The following CPLX2 variants were observed in gnomAD, a reference collection of about 807,000 sequenced individuals.
CPLX2 encodes complexin-2.
CPLX2 carries 5 observed loss-of-function variants against 16.3 expected under a neutral mutation model. The observed-to-expected ratio is 0.31, with a 90% CI of 0.16 to 0.64. The LOEUF is 0.64. Among genes scored for constraint, CPLX2 ranks in the 30% least tolerant of loss-of-function variants. CPLX2 has a pLI of 0.79. For synonymous variants in CPLX2, 89 were observed against 73.2 expected (o/e 1.22, Z -1.10); for missense variants, 144 against 181.4 (o/e 0.79, Z 1.18).
At chr5:175,878,513 C>T (rs965685480) in intron 1 of CPLX2, 139 bp from the exon 2 acceptor site, 3 of 597,424 alleles carry the variant, frequency 5.0e-6, no homozygotes, top group Admixed American at 6.0e-5. Flanking sequence ...CTCCTTTCTC[C>T]TCCAGCAGGG....
intron 2 of CPLX2, among the ~76,000 whole-genome samples, chr5:175,815,473 C>T (rs554796413): frequency 5.3e-5 from 8 of 152,108 alleles, no homozygotes; most frequent in Non-Finnish European, 1.0e-4. Context: ...ACCACTCCAG[C>T]AGTTACCACA....
Position 175,817,449 on chromosome 5 carries a change from TC to T in CPLX2, c.-89+8382del, listed in dbSNP as rs886718423. 3.5e-4 allele frequency among the ~76,000 whole-genome samples: 53 copies of T among 152,304 alleles called. 1 individual carries two copies. The highest frequency in any genetic ancestry group is 1.2e-3 in the African/African-American group (51 of 41,552). Reference sequence around the variant, plus strand: ...TATGACCTCAACTGATGTCACTGTTTCTCCTTTTCCCCCACTGGGGTCAGAG... The same window carrying T: ...TATGACCTCAACTGATGTCACTGTTTTCCTTTTCCCCCACTGGGGTCAGAG... On this transcript the variant is annotated intron_variant, in intron 2 of 4. Transcript: ENST00000359546.
At chr5:175,878,628 C>A in intron 1 of CPLX2, 24 bp from the exon 2 acceptor site, 1 of 1,286,546 alleles carries the variant, frequency 7.8e-7, no homozygotes, top group Non-Finnish European at 1.1e-6. Flanking sequence ...CCTCTCCCAT[C>A]TGACTCCCAA....
At chr5:175,850,794 A>G (rs1759135475) in intron 2 of CPLX2, among the ~76,000 whole-genome samples, 1 of 152,058 alleles carries the variant, frequency 6.6e-6, no homozygotes, top group Non-Finnish European at 1.5e-5. Context: ...GCAGGGGCAG[A>G]GCGATGTGTT....
At chr5:175,813,464 G>A (rs1758348636) in intron 2 of CPLX2, among the ~76,000 whole-genome samples, 1 of 152,194 alleles carries the variant, frequency 6.6e-6, no homozygotes, top group Non-Finnish European at 1.5e-5. Flanking sequence ...TCCCTGGGGT[G>A]GTTGAACCTA....
chr5:175,818,633 G>A (rs1002662271), intron 2 of CPLX2, among the ~76,000 whole-genome samples: 1 of 145,036 alleles, frequency 6.9e-6, no homozygotes, highest in Admixed American at 6.9e-5. Context: ...CCCTGCAAAA[G>A]GAGCTGCTGT....
intron 2 of CPLX2, among the ~76,000 whole-genome samples, chr5:175,831,772 C>T (rs1435208298): frequency 6.6e-6 from 1 of 152,192 alleles, no homozygotes; most frequent in Non-Finnish European, 1.5e-5. Flanking sequence ...CTAACGGAGG[C>T]ATGCAGAGAA....
At position 175,878,780 on chromosome 5, in the gene CPLX2, A is replaced by G; in HGVS notation, c.31+10A>G. On this transcript the variant is annotated intron_variant, in intron 2 of 3. Coordinates refer to ENST00000393745, the MANE Select transcript of CPLX2 (RefSeq NM_001008220.2). ...AAGCAGGCCCTTGGAGGTGAGGTCC[A>G]GCGCCCCTCCGCGTGTCCTCAGCCG... 6.2e-7 allele frequency: 1 copy of G among 1,613,078 alleles called. No individual in the cohort carries two copies. Among genetic ancestry groups the G allele is most frequent in the Non-Finnish European group, 8.5e-7 (1 of 1,179,744 alleles).
chr5:175,843,314 T>G (rs1581087640), intron 2 of CPLX2, among the ~76,000 whole-genome samples: 1 of 152,222 alleles, frequency 6.6e-6, no homozygotes, highest in African/African-American at 2.4e-5. Context: ...CTGTAAACAC[T>G]GGCTCCCAAG....
chr5:175,839,037 T>C (rs1581085625), intron 2 of CPLX2, among the ~76,000 whole-genome samples: 1 of 152,150 alleles, frequency 6.6e-6, no homozygotes, highest in Admixed American at 6.5e-5. Flanking sequence ...AAACCCAGTG[T>C]AATGCTTGGG....
chr5:175,856,020 G>A (rs946880736), intron 2 of CPLX2, among the ~76,000 whole-genome samples: 1 of 152,162 alleles, frequency 6.6e-6, no homozygotes. Context: ...TCCAGCCATG[G>A]AGTGAGCCTC....
intron 2 of CPLX2, among the ~76,000 whole-genome samples, chr5:175,816,525 G>A (rs184804930): frequency 1.1e-4 from 16 of 152,324 alleles, no homozygotes; most frequent in East Asian, 7.7e-4. Flanking sequence ...CTCACAGGCC[G>A]TTGGCCAAAA....
intron 2 of CPLX2, among the ~76,000 whole-genome samples, chr5:175,823,257 C>G (rs558645651): frequency 3.9e-5 from 6 of 152,058 alleles, no homozygotes; most frequent in African/African-American, 1.2e-4. Flanking sequence ...AATGCCAGAC[C>G]CTTAGTAAAT....
At chr5:175,854,660 C>T (rs1759219047) in intron 2 of CPLX2, among the ~76,000 whole-genome samples, 1 of 152,144 alleles carries the variant, frequency 6.6e-6, no homozygotes, top group Admixed American at 6.5e-5. Context: ...GCCCCATCTT[C>T]AAAGAACTCA....
chr5:175,838,929 G>A (rs1254689674), intron 2 of CPLX2, among the ~76,000 whole-genome samples: 2 of 152,178 alleles, frequency 1.3e-5, no homozygotes, highest in East Asian at 3.9e-4. Context: ...TTTAAATCCT[G>A]GCTCTGTCTC....
rs1443155813 is a variant in CPLX2 at position 175,830,803 on chromosome 5, A to C, written c.-89+21735A>C. On this transcript the variant is annotated intron_variant, in intron 2 of 4. Transcript: ENST00000359546. The surrounding 1 kb of genome is among the most constrained non-coding windows in gnomAD (Gnocchi z 4.0). The stretch of plus-strand genomic sequence containing the variant: ...GCAGCGTTCACCCTGCTCACAGCTC[A>C]GCCAAGAAGCCCAGATCTGGGAAGG... 1.3e-5 allele frequency among the ~76,000 whole-genome samples: 2 copies of C among 152,172 alleles called. No individual in the cohort carries two copies. Among genetic ancestry groups the C allele is most frequent in the African/African-American group, 4.8e-5 (2 of 41,442 alleles).
At chr5:175,866,864 G>A (rs113903705), upstream of CPLX2, among the ~76,000 whole-genome samples, 3,031 of 152,216 alleles carry the variant, frequency 0.02, 97 homozygotes, top group African/African-American at 0.069. Context: ...CTTGAGGCCA[G>A]GAGTTCAAGA....
At chr5:175,866,767 C>T (rs1759487155), upstream of CPLX2, among the ~76,000 whole-genome samples, 3 of 152,136 alleles carry the variant, frequency 2.0e-5, no homozygotes, top group South Asian at 4.1e-4. Context: ...AGCCTGGTAC[C>T]CTCTTTCTGA....
chr5:175,803,370 A>G (rs754799634), intron 1 of CPLX2, among the ~76,000 whole-genome samples: 2 of 152,170 alleles, frequency 1.3e-5, no homozygotes, highest in African/African-American at 4.8e-5. Flanking sequence ...AAACAAAATC[A>G]TTTCACCAAG....
Sources: gnomAD v4.1 joint callset for allele counts (sites outside exome capture counted in the v4.1 genomes callset) on GRCh38, gnomAD v4.1.1 for gene constraint, Gnocchi (gnomAD v3.1) non-coding constraint, MANE v1.5 for transcripts, NCBI Gene and HGNC (gene_info 2026-07-23, HGNC 2026-07-21) for gene names.